The following BMPR1B variants were observed in gnomAD, a reference collection of about 807,000 sequenced individuals.
BMPR1B encodes bone morphogenetic protein receptor type 1B.
A neutral mutation model predicts 59.1 loss-of-function variants in BMPR1B; 12 were observed. The ratio of observed to expected loss-of-function variants is 0.20; its 90% CI spans 0.13 to 0.33. The LOEUF (loss-of-function observed/expected upper bound fraction) is 0.33, where lower values mean the gene tolerates loss of function less well. Ranked by LOEUF, BMPR1B falls within the 10% of genes least tolerant of loss-of-function variation. BMPR1B has a pLI of 1.00. For missense variants in BMPR1B, 550 were observed against 610.9 expected (o/e 0.90, Z 1.05); for synonymous variants, 237 against 207.3 (o/e 1.14, Z -1.23).
Position 95,087,312 on chromosome 4 carries a change from A to T in BMPR1B, c.-17-17096A>T, listed in dbSNP as rs374450235. On this transcript the variant is annotated intron_variant, in intron 3 of 12. Coordinates refer to ENST00000515059, the MANE Select transcript of BMPR1B (RefSeq NM_001203.3). ...AGCCTCTATGGTTCCATGATAAATT[A>T]TATTTAATTTTATAGTGTTTTCCTT... is the stretch of plus-strand genomic sequence containing the variant. 2.0e-5 allele frequency among the ~76,000 whole-genome samples: 3 copies of T among 152,300 alleles called. No individual in the cohort carries two copies. The East Asian group carries it at 5.8e-4, about 29-fold the overall frequency.
chr4:95,008,649 AAATT>A lies in BMPR1B; in HGVS notation c.-18+12524_-18+12527del, dbSNP rs534107841. ...GAAATAGAGCAAATAATAAAGAAAC[AAATT>A]AATTAATTCAGCAACATTAAAATGA... On this transcript the variant is annotated intron_variant, in intron 3 of 12. Transcript: ENST00000515059. Among the ~76,000 whole-genome samples, 24 of 152,284 alleles carry A rather than the reference AAATT, an allele frequency of 1.6e-4. No individual in the cohort carries two copies. The South Asian group carries it at 2.3e-3, about 14-fold the overall frequency.
rs1415760439 is a variant in BMPR1B, at chr4:95,156,779, T to G, written c.*2106T>G. 6.6e-6 allele frequency: 1 copy of G among 152,152 alleles called. No individual in the cohort carries two copies. Among genetic ancestry groups the G allele is most frequent in the Non-Finnish European group, 1.5e-5 (1 of 68,000 alleles). The allele number at this position is 152,152 out of a possible 1,614,324, so 9.4% of individuals were successfully genotyped here. ...TAATAATGTAAAGGTTCCTTTCTCT[T>G]GTGTCAGTTATATTCTTAGGGATAG... On this transcript the variant is annotated 3_prime_UTR_variant, in exon 13 of 13. Transcript: ENST00000515059.
At chr4:94,902,243 CACACACAGAG>C (rs1203837616) in intron 2 of BMPR1B, among the ~76,000 whole-genome samples, 241 of 97,328 alleles carry the variant, frequency 2.5e-3, no homozygotes, top group Admixed American at 4.6e-3. Flanking sequence ...CACACACACA[CACACACAGAG>C]AGAGAGAGAG....
chr4:95,116,086 C>T (rs1288259879), intron 6 of BMPR1B, among the ~76,000 whole-genome samples: 1 of 152,094 alleles, frequency 6.6e-6, no homozygotes, highest in African/African-American at 2.4e-5. Flanking sequence ...CTCTGCTTCT[C>T]CCTGAAAGTT....
At chr4:95,012,109 T>C (rs1723267251) in intron 3 of BMPR1B, among the ~76,000 whole-genome samples, 1 of 152,132 alleles carries the variant, frequency 6.6e-6, no homozygotes, top group South Asian at 2.1e-4. Flanking sequence ...CCTCATTTGT[T>C]CTACTTAAGA....
intron 1 of BMPR1B, among the ~76,000 whole-genome samples, chr4:94,868,777 G>T (rs1481782143): frequency 6.6e-6 from 1 of 152,178 alleles, no homozygotes; most frequent in Admixed American, 6.5e-5. Flanking sequence ...TTAATCAAAG[G>T]TGTTGCACAG....
chr4:94,811,002 T>C (rs879438320), intron 1 of BMPR1B, among the ~76,000 whole-genome samples: 2 of 152,180 alleles, frequency 1.3e-5, no homozygotes, highest in Admixed American at 6.5e-5. Context: ...CCCTGTGAAA[T>C]GGAACTGAGA....
At chr4:94,764,637 C>G (rs1721902097) in intron 1 of BMPR1B, among the ~76,000 whole-genome samples, 1 of 152,152 alleles carries the variant, frequency 6.6e-6, no homozygotes. Context: ...CAGTCGTACT[C>G]CCTTACCTGT....
intron 3 of BMPR1B, among the ~76,000 whole-genome samples, chr4:95,018,074 A>G (rs1435255609): frequency 1.3e-5 from 2 of 152,212 alleles, no homozygotes; most frequent in Non-Finnish European, 2.9e-5. Context: ...CACATTAAGT[A>G]AAGCAAATTT....
At chr4:94,777,742 T>G (rs555121952) in intron 1 of BMPR1B, among the ~76,000 whole-genome samples, 2 of 152,236 alleles carry the variant, frequency 1.3e-5, no homozygotes, top group South Asian at 4.1e-4. Context: ...TATAGAAGTT[T>G]TGGCCGGGCG....
intron 2 of BMPR1B, among the ~76,000 whole-genome samples, chr4:94,976,914 T>G (rs1366516501): frequency 1.2e-4 from 19 of 152,228 alleles, no homozygotes; most frequent in Admixed American, 1.2e-3. Context: ...TTCCATCTTC[T>G]GATTCATCAT....
intron 6 of BMPR1B, among the ~76,000 whole-genome samples, chr4:95,119,375 T>G (rs1000222929): frequency 3.9e-5 from 6 of 152,208 alleles, no homozygotes; most frequent in African/African-American, 1.4e-4. Flanking sequence ...CTTGAATTTA[T>G]TTTTAACTCT....
At chr4:95,122,243 ACAGAATCGCTTGAACC>A (rs942122978) in intron 6 of BMPR1B, among the ~76,000 whole-genome samples, 8 of 152,072 alleles carry the variant, frequency 5.3e-5, no homozygotes, top group Non-Finnish European at 1.2e-4. Context: ...GTGCTGAGGC[ACAGAATCGCTTGAACC>A]CAGAAGGCAG....
At position 94,789,236 on chromosome 4, in the gene BMPR1B, A is replaced by T. The variant is rs963866155; in HGVS notation, c.-183+31168A>T. The stretch of plus-strand genomic sequence containing the variant: ...TGACACTTCAGCTCATGAGGCACCC[A>T]CTTACCGAGTTTTTTCACCTTTACA... On this transcript the variant is annotated intron_variant, in intron 1 of 12. Coordinates refer to ENST00000515059, the MANE Select transcript of BMPR1B (RefSeq NM_001203.3). Among the ~76,000 whole-genome samples the T allele has an allele frequency of 5.9e-5, 9 of 152,178 alleles. No individual in the cohort carries two copies. The South Asian group carries it at 1.2e-3, about 21-fold the overall frequency.
intron 2 of BMPR1B, among the ~76,000 whole-genome samples, chr4:94,897,376 A>G (rs372338594): frequency 6.6e-6 from 1 of 152,192 alleles, no homozygotes; most frequent in East Asian, 1.9e-4. Context: ...ATGCATTGAA[A>G]GGCATTTGGG....
intron 1 of BMPR1B, among the ~76,000 whole-genome samples, chr4:94,849,143 C>T (rs954421826): frequency 2.0e-5 from 3 of 152,120 alleles, no homozygotes; most frequent in Non-Finnish European, 2.9e-5. Context: ...AGTATGAGGA[C>T]TGAGCCCAGA....
chr4:94,792,121 CCTTT>C (rs747653868), intron 1 of BMPR1B, among the ~76,000 whole-genome samples: 17 of 152,086 alleles, frequency 1.1e-4, no homozygotes, highest in Non-Finnish European at 1.5e-4. Flanking sequence ...CTAAGTTTTA[CCTTT>C]CTGACGATGA....
chr4:95,042,801 C>T (rs1007017159), intron 3 of BMPR1B, among the ~76,000 whole-genome samples: 1 of 152,228 alleles, frequency 6.6e-6, no homozygotes, highest in African/African-American at 2.4e-5. Flanking sequence ...GCCAAGACAT[C>T]TTCCTCTCAT....
rs1212744099 is a variant in BMPR1B, at chr4:95,091,742, G to T, written c.-17-12666G>T. On this transcript the variant is annotated intron_variant, in intron 3 of 12. Transcript: ENST00000515059. ...GCACAATAAAAGCTGTTAGAACTTA[G>T]CCTTTTTTGGCATAGATGGTGAAAT... The T allele has an allele frequency of 3.4e-6, 3 of 877,632 alleles. No individual in the cohort carries two copies. The African/African-American group carries it at 5.5e-5, about 16-fold the overall frequency. The allele number at this position is 877,632 out of a possible 1,614,324, so 54.4% of individuals were successfully genotyped here.
Sources: gnomAD v4.1 joint callset for allele counts (sites outside exome capture counted in the v4.1 genomes callset) on GRCh38, gnomAD v4.1.1 for gene constraint, MANE v1.5 for transcripts, NCBI Gene and HGNC (gene_info 2026-07-23, HGNC 2026-07-21) for gene names.